The following GOLM2 variants were observed in gnomAD, a reference collection of about 807,000 sequenced individuals.
GOLM2 encodes protein GOLM2.
GOLM2 carries 26 observed loss-of-function variants against 55.9 expected under a neutral mutation model. The observed-to-expected ratio is 0.47, with a 90% CI of 0.34 to 0.65. The LOEUF (loss-of-function observed/expected upper bound fraction) is 0.65. Ranked by LOEUF, GOLM2 falls within the 30% of genes least tolerant of loss-of-function variation. The probability of loss-of-function intolerance (pLI) is 0.01; values close to 1 mark genes in which losing one functional copy is unlikely to be tolerated. For synonymous variants in GOLM2, 165 were observed against 194.6 expected (o/e 0.85, Z 1.27); for missense variants, 486 against 531.8 (o/e 0.91, Z 0.85).
Position 44,288,843 on chromosome 15 carries a change from G to C in GOLM2, c.-187G>C. The C allele has an allele frequency of 1.7e-6, 1 of 593,990 alleles. No individual in the cohort carries two copies. Among genetic ancestry groups the C allele is most frequent in the Non-Finnish European group, 2.9e-6 (1 of 339,488 alleles). The allele number at this position is 593,990 out of a possible 1,614,324, so 36.8% of individuals were successfully genotyped here. ...AACGCGTTTTGGCCTGATTTGAGGA[G>C]GGGGGCGGGGAGGGACCTGCGGCTT... On this transcript the variant is annotated 5_prime_UTR_variant, in exon 1 of 10. Coordinates refer to ENST00000299957, the MANE Select transcript of GOLM2 (RefSeq NM_138423.4).
At chr15:44,380,427 A>G (rs1440107535) in intron 7 of GOLM2, among the ~76,000 whole-genome samples, 3 of 152,214 alleles carry the variant, frequency 2.0e-5, no homozygotes, top group Admixed American at 2.0e-4. Flanking sequence ...CTTAGAGAGT[A>G]GAAATTTCAA....
chr15:44,351,099 T>C (rs565041831), intron 6 of GOLM2, among the ~76,000 whole-genome samples: 1 of 152,244 alleles, frequency 6.6e-6, no homozygotes, highest in East Asian at 1.9e-4. Flanking sequence ...ACCACTGTCA[T>C]TTGATCTAGT....
chr15:44,352,564 G>A (rs1428429220), intron 6 of GOLM2, among the ~76,000 whole-genome samples: 3 of 152,060 alleles, frequency 2.0e-5, no homozygotes, highest in East Asian at 3.8e-4. Context: ...AAAGATGGAC[G>A]GATGGGATGA....
chr15:44,371,251 C>A (rs1374297556), intron 6 of GOLM2, among the ~76,000 whole-genome samples: 2 of 152,148 alleles, frequency 1.3e-5, no homozygotes, highest in East Asian at 3.8e-4. Flanking sequence ...TGGTCTTGTG[C>A]TGATGGTTGT....
intron 1 of GOLM2, chr15:44,307,986 T>A (rs1164254044): frequency 6.6e-6 from 1 of 152,174 alleles, no homozygotes; most frequent in Non-Finnish European, 1.5e-5. Flanking sequence ...TAGGGGAAAT[T>A]ATGTCTGAGT....
At chr15:44,383,572 A>C (rs1567040764) in intron 8 of GOLM2, among the ~76,000 whole-genome samples, 1 of 151,328 alleles carries the variant, frequency 6.6e-6, no homozygotes, top group Non-Finnish European at 1.5e-5. Flanking sequence ...TATTATAATT[A>C]TTTCTTGGTA....
intron 8 of GOLM2, among the ~76,000 whole-genome samples, chr15:44,384,570 C>T (rs2079428166): frequency 1.3e-5 from 2 of 152,114 alleles, no homozygotes; most frequent in African/African-American, 4.8e-5. Context: ...CATACTGAAA[C>T]CCTGTCTCTA....
chr15:44,363,992 A>G (rs954117886), intron 6 of GOLM2, among the ~76,000 whole-genome samples: 2 of 151,412 alleles, frequency 1.3e-5, no homozygotes, highest in East Asian at 2.0e-4. Flanking sequence ...GAATTGAACA[A>G]TGAGAACACA....
In GOLM2 at chr15:44,336,356, A is replaced by G. The variant is rs150409671; in HGVS notation, c.577-1407A>G. ...ATGGTCTCTATCTCCTGACCTCGTG[A>G]TCCGCCCACCTCGGCCTCCCGAAGT... On this transcript the variant is annotated intron_variant, in intron 4 of 9. Transcript: ENST00000299957. 8.0e-5 allele frequency among the ~76,000 whole-genome samples: 12 copies of G among 150,176 alleles called. 1 individual carries two copies. Among genetic ancestry groups the G allele is most frequent in the African/African-American group, 2.9e-4 (12 of 40,810 alleles).
chr15:44,332,450 A>AG (rs1166320278), intron 4 of GOLM2, among the ~76,000 whole-genome samples: 1 of 151,912 alleles, frequency 6.6e-6, no homozygotes, highest in African/African-American at 2.4e-5. Flanking sequence ...TCAGCTACTC[A>AG]GGAGGCTGAG....
chr15:44,311,669 T>A (rs1595619846), intron 1 of GOLM2, among the ~76,000 whole-genome samples: 1 of 151,910 alleles, frequency 6.6e-6, no homozygotes, highest in East Asian at 1.9e-4. Flanking sequence ...TGTGTGTGTG[T>A]GATGGAGTCT....
chr15:44,299,994 GGA>G (rs1237800907), intron 1 of GOLM2, among the ~76,000 whole-genome samples: 3 of 151,398 alleles, frequency 2.0e-5, no homozygotes, highest in Non-Finnish European at 2.9e-5. Flanking sequence ...TAATTGCTTG[GGA>G]GGTTTAAGCT....
At chr15:44,338,884 G>C (rs1478378593) in intron 6 of GOLM2, among the ~76,000 whole-genome samples, 1 of 151,916 alleles carries the variant, frequency 6.6e-6, no homozygotes, top group South Asian at 2.1e-4. Context: ...TCACTTGAAG[G>C]CCTGCTCCCA....
chr15:44,327,297 G>A (rs544153383), intron 2 of GOLM2, among the ~76,000 whole-genome samples: 1 of 150,098 alleles, frequency 6.7e-6, no homozygotes, highest in African/African-American at 2.4e-5. Context: ...GCTCACGTCT[G>A]TAATCCCAGC....
chr15:44,402,758 G>A (rs2079573702), intron 8 of GOLM2, 129 bp from the exon 9 acceptor site: 3 of 705,388 alleles, frequency 4.3e-6, no homozygotes, highest in Non-Finnish European at 6.9e-6. Context: ...TTCACAAAAT[G>A]TATCCTTTTA....
chr15:44,293,523 T>C (rs1238977331), intron 1 of GOLM2, among the ~76,000 whole-genome samples: 9 of 152,206 alleles, frequency 5.9e-5, no homozygotes. Flanking sequence ...TTCTTGTTTT[T>C]GATAATCTTG....
intron 1 of GOLM2, among the ~76,000 whole-genome samples, chr15:44,318,642 G>C (rs116217709): frequency 0.01 from 1,545 of 151,656 alleles, 26 homozygotes; most frequent in African/African-American, 0.036. Flanking sequence ...CTGGGACGTG[G>C]AGGTTGCAGC....
intron 6 of GOLM2, among the ~76,000 whole-genome samples, chr15:44,354,493 A>G (rs1282939909): frequency 1.3e-5 from 2 of 151,882 alleles, no homozygotes; most frequent in Non-Finnish European, 2.9e-5. Flanking sequence ...ATAAAATGAG[A>G]CAGCAACCAC....
rs1448156508 is a variant in GOLM2, at chr15:44,344,279, ATG to A, written c.802+5970_802+5971del. Among the ~76,000 whole-genome samples, 55 of 140,892 alleles carry A rather than the reference ATG, an allele frequency of 3.9e-4. 1 individual carries two copies. The East Asian group carries it at 0.01, about 27-fold the overall frequency. The allele number at this position is 140,892 out of a possible 152,430, so 92.4% of individuals were successfully genotyped here. ...GTCTCAAAAAAAAAAAAAAATGTATATGTGTGTGTATATATATATATATATAT... is the reference window on the plus strand; with the variant it reads ...GTCTCAAAAAAAAAAAAAAATGTATATGTGTGTATATATATATATATATAT... On this transcript the variant is annotated intron_variant, in intron 6 of 9. Transcript: ENST00000299957.
Sources: allele counts gnomAD v4.1 joint callset (sites outside exome capture counted in the v4.1 genomes callset), GRCh38; gene constraint gnomAD v4.1.1; transcripts MANE v1.5; gene names NCBI Gene and HGNC (gene_info 2026-07-23, HGNC 2026-07-21).